Variants in AGPS observed in about 807,000 individuals in gnomAD.
The protein encoded by AGPS is alkylglycerone phosphate synthase, also known as alkyldihydroxyacetonephosphate synthase, peroxisomal.
In AGPS, 26 loss-of-function variants were observed where a neutral mutation model predicts 90.7. The ratio of observed to expected loss-of-function variants is 0.29; its 90% CI spans 0.21 to 0.40. The LOEUF is 0.40. AGPS is among the 10% of genes least tolerant of loss of function. The pLI is 1.00. For synonymous variants in AGPS, 294 were observed against 285.3 expected (o/e 1.03, Z -0.31); for missense variants, 540 against 816.1 (o/e 0.66, Z 4.12).
intron 1 of AGPS, among the ~76,000 whole-genome samples, chr2:177,410,300 A>G (rs1182617319): frequency 6.6e-6 from 1 of 152,172 alleles, no homozygotes; most frequent in Non-Finnish European, 1.5e-5. Context: ...CCCTGGCAGC[A>G]TAAGACTGCC....
chr2:177,413,763 G>A (rs1685706038), intron 1 of AGPS, among the ~76,000 whole-genome samples: 1 of 152,194 alleles, frequency 6.6e-6, no homozygotes, highest in Non-Finnish European at 1.5e-5. Context: ...CAGGCTTCCA[G>A]AATGGCAGGT....
chr2:177,414,659 A>G (rs16865216), intron 1 of AGPS, among the ~76,000 whole-genome samples: 15,960 of 152,200 alleles, frequency 0.1, 1,166 homozygotes, highest in East Asian at 0.34. Context: ...AAGAAGCCCA[A>G]TAGATTTTAT....
At chr2:177,471,522 A>G (rs1427209628) in intron 10 of AGPS, among the ~76,000 whole-genome samples, 1 of 152,138 alleles carries the variant, frequency 6.6e-6, no homozygotes, top group Non-Finnish European at 1.5e-5. Flanking sequence ...TTCTGTTTCT[A>G]TATATGGTAT....
chr2:177,484,456 G>A (rs1688036657), intron 11 of AGPS, among the ~76,000 whole-genome samples: 1 of 151,592 alleles, frequency 6.6e-6, no homozygotes, highest in Non-Finnish European at 1.5e-5. Context: ...CAATTCTCTT[G>A]CCTCAGCCTC....
chr2:177,464,629 A>G (rs1205571661), intron 9 of AGPS, among the ~76,000 whole-genome samples: 1 of 152,244 alleles, frequency 6.6e-6, no homozygotes, highest in Non-Finnish European at 1.5e-5. Flanking sequence ...AGGAATTCCA[A>G]CTATAGTCCA....
At chr2:177,446,345 C>T (rs182214494) in intron 8 of AGPS, among the ~76,000 whole-genome samples, 35 of 151,898 alleles carry the variant, frequency 2.3e-4, no homozygotes, top group Non-Finnish European at 4.3e-4. Context: ...AGTAGGACGG[C>T]GTTTCACCGT....
intron 10 of AGPS, among the ~76,000 whole-genome samples, chr2:177,476,693 A>C (rs948669384): frequency 6.6e-6 from 1 of 152,094 alleles, no homozygotes; most frequent in Non-Finnish European, 1.5e-5. Flanking sequence ...TTTATAGTGT[A>C]CAAGTCCTAT....
intron 9 of AGPS, among the ~76,000 whole-genome samples, chr2:177,463,836 T>C (rs1687369260): frequency 6.6e-6 from 1 of 152,232 alleles, no homozygotes; most frequent in African/African-American, 2.4e-5. Context: ...ATGTAGTTTA[T>C]TTTAATCATT....
intron 19 of AGPS, among the ~76,000 whole-genome samples, chr2:177,524,236 A>G (rs1050840321): frequency 1.3e-5 from 2 of 152,220 alleles, no homozygotes; most frequent in African/African-American, 4.8e-5. Context: ...AGCTCAGCAA[A>G]TTAATCAAGA....
chr2:177,425,774 A>G (rs746448118), intron 2 of AGPS, among the ~76,000 whole-genome samples: 1 of 151,954 alleles, frequency 6.6e-6, no homozygotes, highest in Non-Finnish European at 1.5e-5. Context: ...TGCCAGTACC[A>G]TGATGTTTTG....
chr2:177,521,309 T>C lies in AGPS; in HGVS notation c.1738T>C (p.Tyr580His), dbSNP rs1354044555. 1 of 1,614,148 alleles carries C rather than the reference T, an allele frequency of 6.2e-7. No individual in the cohort carries two copies. Among genetic ancestry groups the C allele is most frequent in the South Asian group, 1.1e-5 (1 of 91,082 alleles). ...TYDAGACIYF[Y>H]FAFNYRGISD... is the part of the protein sequence containing the mutation. ...CGATGCAGGTGCTTGTATCTACTTC[T>C]ATTTTGCCTTTAACTACAGGGGAAT... Residue 580 changes from tyrosine to histidine, a missense_variant, in exon 18 of 20, where the codon TAT becomes CAT. Tyr to His is a moderately conservative substitution (Grantham distance 83). Coordinates refer to ENST00000264167, the MANE Select transcript of AGPS (RefSeq NM_003659.4).
rs976567026 is a variant in AGPS, at chr2:177,440,884, A to G, written c.638-81A>G. 4.2e-6 allele frequency: 5 copies of G among 1,191,534 alleles called. No individual in the cohort carries two copies. The Admixed American group carries it at 8.7e-5, about 21-fold the overall frequency. The allele number at this position is 1,191,534 out of a possible 1,614,324, so 73.8% of individuals were successfully genotyped here. On this transcript the variant is annotated intron_variant, in intron 5 of 19. Transcript: ENST00000264167. ...AATGAAGGAAAAGTTTAGATAAAGA[A>G]TTTCGTAGGTTCTTATTTGCCAAGG...
chr2:177,439,161 G>A (rs1686517430), intron 5 of AGPS, among the ~76,000 whole-genome samples: 1 of 152,188 alleles, frequency 6.6e-6, no homozygotes, highest in Admixed American at 6.5e-5. Flanking sequence ...TTAAACACCA[G>A]AACTTTAGAA....
intron 12 of AGPS, among the ~76,000 whole-genome samples, chr2:177,494,111 C>A (rs909673248): frequency 2.0e-5 from 3 of 151,982 alleles, no homozygotes; most frequent in African/African-American, 7.2e-5. Flanking sequence ...AATTTAAATA[C>A]CCTCAAAACA....
intron 10 of AGPS, among the ~76,000 whole-genome samples, chr2:177,479,213 A>G (rs902700948): frequency 6.6e-6 from 1 of 152,134 alleles, no homozygotes; most frequent in Non-Finnish European, 1.5e-5. Context: ...CCAGCCCTTT[A>G]TGAGCCAGGA....
At chr2:177,456,101 G>C (rs1035642508) in intron 8 of AGPS, among the ~76,000 whole-genome samples, 3 of 152,204 alleles carry the variant, frequency 2.0e-5, no homozygotes, top group Non-Finnish European at 4.4e-5. Context: ...CAGGAGGAAT[G>C]CTTGAGCCCA....
At position 177,436,734 on chromosome 2, in the gene AGPS, T is replaced by C. The variant is rs780388817; in HGVS notation, c.442-30T>C. ...GTACCCAAAATTCGTTGTCTAAAAA[T>C]AAGTCAAAGAAATCAATTTTATTTT... On this transcript the variant is annotated intron_variant, in intron 3 of 19. Coordinates refer to ENST00000264167, the MANE Select transcript of AGPS (RefSeq NM_003659.4). 5 of 1,606,154 alleles carry C rather than the reference T, an allele frequency of 3.1e-6. No homozygotes were observed. The African/African-American group carries it at 6.7e-5, about 21-fold the overall frequency.
chr2:177,533,760 CAGT>C (rs1011068836), intron 19 of AGPS, among the ~76,000 whole-genome samples: 1 of 152,150 alleles, frequency 6.6e-6, no homozygotes, highest in African/African-American at 2.4e-5. Flanking sequence ...CATAATCCAG[CAGT>C]AGTTTGGTCA....
chr2:177,530,993 G>T (rs2079132010), intron 19 of AGPS, among the ~76,000 whole-genome samples: 1 of 152,042 alleles, frequency 6.6e-6, no homozygotes, highest in South Asian at 2.1e-4. Context: ...AGTATAACCA[G>T]CCTTAGTTTA....
Sources: gnomAD v4.1 joint callset for allele counts (sites outside exome capture counted in the v4.1 genomes callset) on GRCh38, gnomAD v4.1.1 for gene constraint, MANE v1.5 for transcripts, NCBI Gene and HGNC (gene_info 2026-07-23, HGNC 2026-07-21) for gene names.